MOB2: variants seen among roughly 807,000 people sequenced by gnomAD.
The protein encoded by MOB2 is MOB kinase activator 2.
In MOB2, 14 loss-of-function variants were observed where a neutral mutation model predicts 27.4. The observed-to-expected ratio is 0.51, with a 90% CI of 0.34 to 0.80. The LOEUF is 0.80. MOB2 is among the 30% of genes least tolerant of loss of function. The pLI, the probability that MOB2 is intolerant of heterozygous loss-of-function variation, is 0.01. For missense variants in MOB2, 304 were observed against 354.6 expected (o/e 0.86, Z 1.15); for synonymous variants, 167 against 151.8 (o/e 1.10, Z -0.74).
chr11:1,476,497 T>C (rs950162862), intron 3 of MOB2, among the ~76,000 whole-genome samples: 2 of 152,148 alleles, frequency 1.3e-5, no homozygotes, highest in South Asian at 2.1e-4. Flanking sequence ...TTATTGATCA[T>C]TGCATCTTCT....
At chr11:1,480,546 C>A in intron 2 of MOB2, 60 bp from the exon 3 acceptor site, 1 of 1,577,838 alleles carries the variant, frequency 6.3e-7, no homozygotes, top group South Asian at 1.1e-5. Flanking sequence ...GCCCCGTCCA[C>A]CCCTGCTTCC....
chr11:1,485,666 ACACT>A (rs1337515706), intron 1 of MOB2, among the ~76,000 whole-genome samples: 2 of 152,032 alleles, frequency 1.3e-5, no homozygotes, highest in African/African-American at 4.8e-5. Flanking sequence ...CCGGGAGGAC[ACACT>A]CACTGCTGCA....
chr11:1,485,585 G>A (rs555182884), intron 1 of MOB2, among the ~76,000 whole-genome samples: 14 of 152,030 alleles, frequency 9.2e-5, no homozygotes, highest in African/African-American at 1.4e-4. Context: ...CACGGGTGCC[G>A]CAGCCCCCGG....
Position 1,480,773 on chromosome 11 carries a change from C to T in MOB2, c.223G>A (p.Val75Met), listed in dbSNP as rs1377154560. The change falls in exon 2 of 5, where the codon GTG (valine) becomes ATG (methionine). Residue 75 changes from valine to methionine, a missense_variant. Transcript: ENST00000329957. ...AGGTCAATCTCGCGGGGCAGCACCA[C>T]CAGCTCCTTGAACTGGAAGTCGGTG... ...RITDFQFKEL[V>M]VLPREIDLNE... The T allele has an allele frequency of 1.2e-6, 2 of 1,605,028 alleles. No homozygotes were observed. Among genetic ancestry groups the T allele is most frequent in the Non-Finnish European group, 1.7e-6 (2 of 1,176,342 alleles).
intron 1 of MOB2, among the ~76,000 whole-genome samples, chr11:1,482,874 A>C (rs941762424): frequency 6.6e-6 from 1 of 152,048 alleles, no homozygotes; most frequent in Non-Finnish European, 1.5e-5. Flanking sequence ...GCCTGGCAGC[A>C]CCCACGTCTC....
At chr11:1,476,255 T>C (rs1847851391) in intron 3 of MOB2, among the ~76,000 whole-genome samples, 2 of 152,258 alleles carry the variant, frequency 1.3e-5, no homozygotes, top group African/African-American at 4.8e-5. Flanking sequence ...TTTTATTTCT[T>C]TTCCAATTTG....
rs75504086 is a variant in MOB2 at position 1,485,489 on chromosome 11, C to T, written c.110+958G>A. 2.4e-4 allele frequency among the ~76,000 whole-genome samples: 36 copies of T among 152,340 alleles called. 1 individual carries two copies. The East Asian group carries it at 6.4e-3, about 27-fold the overall frequency. ...CTTGTGGAGCCCTCCCTGTTGAATG[C>T]ACAGGTGATCGGGAGATAGGGAAGG... is the stretch of plus-strand genomic sequence containing the variant. On this transcript the variant is annotated intron_variant, in intron 1 of 4. Transcript: ENST00000329957.
intron 3 of MOB2, among the ~76,000 whole-genome samples, chr11:1,477,098 T>A (rs1847859870): frequency 6.6e-6 from 1 of 151,950 alleles, no homozygotes; most frequent in South Asian, 2.1e-4. Context: ...ACGGGTGGGG[T>A]CATCGGGCTC....
At chr11:1,482,722 C>T (rs576078135) in intron 1 of MOB2, among the ~76,000 whole-genome samples, 1 of 152,350 alleles carries the variant, frequency 6.6e-6, no homozygotes, top group African/African-American at 2.4e-5. Flanking sequence ...TTCTTTGGAC[C>T]GGGTCACTCA....
At position 1,480,445 on chromosome 11, in the gene MOB2, T is replaced by C; in HGVS notation, c.313A>G (p.Ile105Val). ...FHHINLQYSTISEFCTGETCQ... is the reference protein window; with the variant it reads ...FHHINLQYSTVSEFCTGETCQ... ...GTCTCTCCTGTGCAGAACTCGGAGA[T>C]GGTGCTATACTGCAGGTTGATGTGG... The change falls in exon 3 of 5, where the codon ATC becomes GTC. Residue 105 changes from isoleucine (I) to valine (V), a missense_variant. Transcript: ENST00000329957. 6.2e-7 allele frequency: 1 copy of C among 1,613,818 alleles called. No homozygotes were observed. The highest frequency in any genetic ancestry group is 8.5e-7 in the Non-Finnish European group (1 of 1,179,866).
In MOB2 at chr11:1,486,451, G is replaced by A; in HGVS notation, c.106C>T (p.Leu36Phe). Residue 36 changes from leucine (L) to phenylalanine (F), a missense_variant, in exon 1 of 5, where the codon CTC (leucine) becomes TTC (phenylalanine). Transcript: ENST00000329957. ...AGCCAGGCTGGCAGGTGTTACCTGA[G>A]CACTTTGCTGACAGCCTGAAGCACC... is the stretch of plus-strand genomic sequence containing the variant. ...KMVLQAVSKV[L>F]RKSKAKPNGK... The A allele has an allele frequency of 6.5e-7, 1 of 1,535,316 alleles. No individual in the cohort carries two copies. Among genetic ancestry groups the A allele is most frequent in the Non-Finnish European group, 8.7e-7 (1 of 1,146,300 alleles).
Position 1,486,654 on chromosome 11 carries a change from T to G in MOB2, c.-98A>C. On this transcript the variant is annotated 5_prime_UTR_variant, in exon 1 of 5. Transcript: ENST00000329957. ...TGCCGGGCCCTCCAGCCTCACTCCC[T>G]GGCCAATGGGACGCCTGGCAGAGAC... 2.6e-6 allele frequency: 2 copies of G among 776,090 alleles called. No individual in the cohort carries two copies. The highest frequency in any genetic ancestry group is 1.6e-5 in the South Asian group (1 of 60,750). 48.1% of individuals were successfully genotyped at this position (776,090 alleles called of 1,614,324 possible). A position where few individuals can be genotyped will look rare whatever the true frequency, so the allele number is the denominator to read the frequency against.
rs779244206 is a variant in MOB2 at position 1,469,631 on chromosome 11, G to A, written c.*541C>T. 1.1e-5 allele frequency: 5 copies of A among 456,998 alleles called. No individual in the cohort carries two copies. Among genetic ancestry groups the A allele is most frequent in the South Asian group, 6.2e-5 (4 of 64,560 alleles). 28.3% of individuals were successfully genotyped at this position (456,998 alleles called of 1,614,324 possible). Reference sequence around the variant, plus strand: ...GAGGAGGCAGCAGGAAGGGGTGACAGGAGCAGGAGCAGGTGCAGGGCACCT... The same window carrying A: ...GAGGAGGCAGCAGGAAGGGGTGACAAGAGCAGGAGCAGGTGCAGGGCACCT... On this transcript the variant is annotated 3_prime_UTR_variant, in exon 5 of 5. Coordinates refer to ENST00000329957, the MANE Select transcript of MOB2 (RefSeq NM_001172223.3).
chr11:1,486,342 G>T, intron 1 of MOB2, 105 bp downstream of exon 1: 1 of 859,178 alleles, frequency 1.2e-6, no homozygotes, highest in Non-Finnish European at 1.8e-6. Context: ...GGGCAGCCAC[G>T]GACACAGTCC....
chr11:1,470,042 C>A lies in MOB2; in HGVS notation c.*130G>T. ...TGCGTCTGTGCCTGTGCAGCCCACA[C>A]CAGTGCAGCCCGGGGCCCTCTCAGA... On this transcript the variant is annotated 3_prime_UTR_variant, in exon 5 of 5. Transcript: ENST00000329957. The A allele has an allele frequency of 6.5e-7, 1 of 1,536,232 alleles. No individual in the cohort carries two copies. Among genetic ancestry groups the A allele is most frequent in the Middle Eastern group, 1.7e-4 (1 of 5,992 alleles).
At chr11:1,481,063 G>C in intron 1 of MOB2, 178 bp from the exon 2 acceptor site, 1 of 762,478 alleles carries the variant, frequency 1.3e-6, no homozygotes, top group Non-Finnish European at 2.1e-6. Context: ...AGGCTGCTCC[G>C]CAGAGGGGCC....
At chr11:1,483,939 C>T (rs1847942698) in intron 1 of MOB2, among the ~76,000 whole-genome samples, 1 of 152,222 alleles carries the variant, frequency 6.6e-6, no homozygotes, top group African/African-American at 2.4e-5. Context: ...ACCCTGCCCA[C>T]AGCAGGTGCA....
At chr11:1,481,258 C>T (rs956623126) in intron 1 of MOB2, 1 of 328,290 alleles carries the variant, frequency 3.0e-6, no homozygotes, top group African/African-American at 2.2e-5. Flanking sequence ...AAAGGAGAAG[C>T]AAACCCTCTC....
intron 1 of MOB2, among the ~76,000 whole-genome samples, chr11:1,483,706 A>G (rs1847940251): frequency 6.6e-6 from 1 of 152,208 alleles, no homozygotes; most frequent in Non-Finnish European, 1.5e-5. Context: ...TGGTCCTTTA[A>G]GAGCCTGTCA....
Sources: gnomAD v4.1 joint callset for allele counts (sites outside exome capture counted in the v4.1 genomes callset) on GRCh38, gnomAD v4.1.1 for gene constraint, MANE v1.5 for transcripts, NCBI Gene and HGNC (gene_info 2026-07-23, HGNC 2026-07-21) for gene names.